The following STK3 variants were observed in gnomAD, a reference collection of about 807,000 sequenced individuals.
STK3 encodes serine/threonine-protein kinase 3.
A neutral mutation model predicts 58.0 loss-of-function variants in STK3; 41 were observed. The observed-to-expected ratio is 0.71, with a 90% CI of 0.55 to 0.92. STK3 has a LOEUF of 0.92. Among genes scored for constraint, STK3 ranks in the 40% least tolerant of loss-of-function variants. The pLI is 0.00. For synonymous variants in STK3, 170 were observed against 191.0 expected (o/e 0.89, Z 0.91); for missense variants, 479 against 602.7 (o/e 0.79, Z 2.15).
intron 3 of STK3, among the ~76,000 whole-genome samples, chr8:98,424,308 C>T (rs1272273676): frequency 6.6e-6 from 1 of 152,220 alleles, no homozygotes; most frequent in Admixed American, 6.5e-5. Context: ...TGTCCCTGAC[C>T]CCAAACTCAC....
chr8:98,838,453 A>T (rs1587730653), intron 3 of STK3, among the ~76,000 whole-genome samples: 1 of 152,124 alleles, frequency 6.6e-6, no homozygotes, highest in Non-Finnish European at 1.5e-5. Flanking sequence ...AAGTAAGAAT[A>T]CCCCTAGATA....
chr8:98,745,874 T>C (rs556228762), intron 4 of STK3, among the ~76,000 whole-genome samples: 1 of 152,332 alleles, frequency 6.6e-6, no homozygotes, highest in South Asian at 2.1e-4. Flanking sequence ...TGTGTGAACA[T>C]CACAGAGTGT....
At chr8:98,870,905 G>A (rs981832325) in intron 3 of STK3, among the ~76,000 whole-genome samples, 2 of 152,172 alleles carry the variant, frequency 1.3e-5, no homozygotes, top group Non-Finnish European at 2.9e-5. Context: ...TTTTAGTCAC[G>A]AAGTCCTTGC....
intron 6 of STK3, among the ~76,000 whole-genome samples, chr8:98,698,140 T>A (rs1470929423): frequency 6.6e-6 from 1 of 152,020 alleles, no homozygotes; most frequent in African/African-American, 2.4e-5. Flanking sequence ...TCTCTTTTGA[T>A]CTTTGTTGGT....
the STK3 span, among the ~76,000 whole-genome samples, chr8:98,360,519 T>C: frequency 3.9e-5 from 6 of 152,028 alleles, no homozygotes; most frequent in Admixed American, 6.6e-5. Context: ...TTCTTTCTTT[T>C]TTTTTTTTTC....
chr8:98,378,908 A>G (rs1474584985), intron 2 of STK3, among the ~76,000 whole-genome samples: 1 of 152,140 alleles, frequency 6.6e-6, no homozygotes, highest in Non-Finnish European at 1.5e-5. Flanking sequence ...CAATCCTTTC[A>G]AAGCTCAGAA....
intron 6 of STK3, chr8:98,651,735 G>A (rs542021034): frequency 6.6e-6 from 1 of 152,286 alleles, no homozygotes; most frequent in African/African-American, 2.4e-5. Flanking sequence ...GGAAGAAAGG[G>A]TATCAGTGAT....
intron 10 of STK3, among the ~76,000 whole-genome samples, chr8:98,470,283 G>A (rs1210563659): frequency 2.0e-5 from 3 of 152,140 alleles, no homozygotes; most frequent in Non-Finnish European, 1.5e-5. Flanking sequence ...TTTCAGTTAG[G>A]AATGCCCATT....
At chr8:98,619,357 A>C (rs1230925079) in intron 6 of STK3, among the ~76,000 whole-genome samples, 2 of 151,682 alleles carry the variant, frequency 1.3e-5, no homozygotes, top group African/African-American at 4.9e-5. Context: ...AAAACCATAA[A>C]AACCCTAGAA....
Position 98,552,719 on chromosome 8 carries a change from G to A in STK3, c.949-4558C>T, listed in dbSNP as rs369633796. 3.9e-5 allele frequency among the ~76,000 whole-genome samples: 6 copies of A among 151,980 alleles called. No individual in the cohort carries two copies. In the East Asian group the frequency reaches 1.2e-3, roughly 29 times the overall value. On this transcript the variant is annotated intron_variant, in intron 8 of 10. Transcript: ENST00000419617. The stretch of plus-strand genomic sequence containing the variant: ...TTCACAGTCTATATCTGGCCTTTAC[G>A]ACCACTAGAATGTAAGTCTGATGAA...
intron 6 of STK3, among the ~76,000 whole-genome samples, chr8:98,652,549 G>C (rs1821047143): frequency 1.4e-5 from 2 of 146,816 alleles, no homozygotes; most frequent in South Asian, 4.5e-4. Flanking sequence ...ATTGGATAAA[G>C]AGTCAAGACC....
At chr8:98,517,841 C>T (rs950532470) in intron 10 of STK3, among the ~76,000 whole-genome samples, 1 of 152,060 alleles carries the variant, frequency 6.6e-6, no homozygotes, top group African/African-American at 2.4e-5. Context: ...TATTGGTTAA[C>T]ATCTCTTTTG....
chr8:98,715,984 G>C (rs2131150572), intron 4 of STK3, among the ~76,000 whole-genome samples: 1 of 152,198 alleles, frequency 6.6e-6, no homozygotes. Flanking sequence ...TCTTTGTAGG[G>C]ACATGGATGA....
chr8:98,730,742 CTG>C (rs1554663117), intron 4 of STK3, among the ~76,000 whole-genome samples: 42 of 145,180 alleles, frequency 2.9e-4, no homozygotes, highest in African/African-American at 1.0e-3. Flanking sequence ...AAAAAAACAC[CTG>C]TGTGGTATTT....
chr8:98,790,058 A>G (rs534694856), intron 1 of STK3, among the ~76,000 whole-genome samples: 18 of 150,414 alleles, frequency 1.2e-4, no homozygotes, highest in Middle Eastern at 3.4e-3. Flanking sequence ...GTCCAGGACT[A>G]GAGAGATTCA....
At chr8:98,583,683 G>A (rs572631730) in intron 7 of STK3, among the ~76,000 whole-genome samples, 113 of 152,194 alleles carry the variant, frequency 7.4e-4, no homozygotes, top group African/African-American at 2.5e-3. Flanking sequence ...AGCTTCTTGC[G>A]TCTTTCCAAG....
In STK3 at chr8:98,428,410, C is replaced by A. The variant is rs758675215; in HGVS notation, n.483+5717G>T. 6.2e-7 allele frequency: 1 copy of A among 1,614,148 alleles called. No individual in the cohort carries two copies. The highest frequency in any genetic ancestry group is 1.1e-5 in the South Asian group (1 of 91,080). ...GACGAGCAGAGTGACCAGGAGAGCA[C>A]CACGTCTTCCTTCGATGAGATCCTT... On this transcript the variant is annotated intron_variant and non_coding_transcript_variant, in intron 3 of 3. Transcript: ENST00000517832. This position sits in a 1 kb window ranked among gnomAD's most constrained non-coding sequence, Gnocchi z 6.7.
chr8:98,883,510 C>T (rs1319727035), downstream of STK3: 2 of 581,248 alleles, frequency 3.4e-6, no homozygotes, highest in Non-Finnish European at 6.1e-6. Context: ...TACTGAAGTC[C>T]TTTGTTTCCA....
At chr8:98,884,159 A>G (rs1186529165) in intron 1 of STK3, among the ~76,000 whole-genome samples, 3 of 151,974 alleles carry the variant, frequency 2.0e-5, no homozygotes, top group East Asian at 1.9e-4. Flanking sequence ...AATGCCATTG[A>G]TAAGTTTTGT....
Sources: gnomAD v4.1 joint callset for allele counts (sites outside exome capture counted in the v4.1 genomes callset) on GRCh38, gnomAD v4.1.1 for gene constraint, Gnocchi (gnomAD v3.1) non-coding constraint, MANE v1.5 for transcripts, NCBI Gene and HGNC (gene_info 2026-07-23, HGNC 2026-07-21) for gene names.